The following SMOC1 variants were observed in gnomAD, a reference collection of about 807,000 sequenced individuals.
SMOC1 encodes SPARC related modular calcium binding 1.
SMOC1 carries 22 observed loss-of-function variants against 56.3 expected under a neutral mutation model. The ratio of observed to expected loss-of-function variants is 0.39; its 90% confidence interval spans 0.28 to 0.56. The LOEUF is 0.56. Ranked by LOEUF, SMOC1 falls within the 20% of genes least tolerant of loss-of-function variation. The probability of loss-of-function intolerance (pLI) is 0.61; values close to 1 mark genes in which losing one functional copy is unlikely to be tolerated. For synonymous variants in SMOC1, 193 were observed against 215.0 expected (o/e 0.90, Z 0.89); for missense variants, 509 against 565.4 (o/e 0.90, Z 1.01).
chr14:70,010,075 T>C (rs1885281504), intron 7 of SMOC1, among the ~76,000 whole-genome samples: 1 of 152,176 alleles, frequency 6.6e-6, no homozygotes, highest in Non-Finnish European at 1.5e-5. Flanking sequence ...GACATGCTCA[T>C]GTGTTACTGA....
intron 1 of SMOC1, among the ~76,000 whole-genome samples, chr14:69,896,300 G>A (rs534813062): frequency 1.3e-5 from 2 of 152,172 alleles, no homozygotes; most frequent in South Asian, 4.1e-4. Context: ...TAGTGGCTTG[G>A]GGTCAAAGAG....
chr14:69,975,963 C>T (rs2139503884), intron 4 of SMOC1, 149 bp downstream of exon 4: 1 of 679,788 alleles, frequency 1.5e-6, no homozygotes, highest in South Asian at 1.6e-5. Context: ...AACATGCTTG[C>T]TCGGAAGTCA....
chr14:69,946,222 G>A (rs1032424345), intron 1 of SMOC1, among the ~76,000 whole-genome samples: 8 of 152,128 alleles, frequency 5.3e-5, no homozygotes, highest in African/African-American at 1.9e-4. Flanking sequence ...CAGATGGAGG[G>A]GATGACTAGT....
rs1027520428 is a variant in SMOC1, at chr14:70,031,647, G to C, written c.*1389G>C. 6.6e-6 allele frequency: 1 copy of C among 152,292 alleles called. No individual in the cohort carries two copies. The highest frequency in any genetic ancestry group is 1.5e-5 in the Non-Finnish European group (1 of 68,108). 9.4% of individuals were successfully genotyped at this position (152,292 alleles called of 1,614,324 possible). On this transcript the variant is annotated 3_prime_UTR_variant, in exon 12 of 12. Coordinates refer to ENST00000361956, the MANE Select transcript of SMOC1 (RefSeq NM_001034852.3). ...GAAATCCCGGCCCAGCTTTCCACAG[G>C]CATCACAGGCATCTTCCGCGGATTC...
chr14:69,892,521 ATT>A (rs933414221), intron 1 of SMOC1, among the ~76,000 whole-genome samples: 1 of 151,812 alleles, frequency 6.6e-6, no homozygotes, highest in Non-Finnish European at 1.5e-5. Context: ...TAGTCATTAA[ATT>A]TTTTTTTGTT....
chr14:69,888,514 A>G (rs1883872340), intron 1 of SMOC1, among the ~76,000 whole-genome samples: 1 of 152,230 alleles, frequency 6.6e-6, no homozygotes, highest in Non-Finnish European at 1.5e-5. Context: ...TCCCACCACC[A>G]GGGAGCACTG....
chr14:69,921,264 G>T (rs1884834806), intron 1 of SMOC1, among the ~76,000 whole-genome samples: 1 of 152,206 alleles, frequency 6.6e-6, no homozygotes, highest in Admixed American at 6.5e-5. Context: ...TCATGGGCAA[G>T]ATCTTGCAGG....
chr14:70,022,688 C>T (rs903839358), intron 10 of SMOC1, among the ~76,000 whole-genome samples: 1 of 152,242 alleles, frequency 6.6e-6, no homozygotes, highest in African/African-American at 2.4e-5. Context: ...GGCTCTGTCT[C>T]ATAGAGACAG....
intron 7 of SMOC1, among the ~76,000 whole-genome samples, chr14:70,009,484 C>G (rs1885258159): frequency 6.6e-6 from 1 of 152,152 alleles, no homozygotes; most frequent in Non-Finnish European, 1.5e-5. Context: ...TGCTGTTGTT[C>G]AGTGCACAAC....
intron 3 of SMOC1, among the ~76,000 whole-genome samples, chr14:69,966,525 G>T (rs1271834553): frequency 3.3e-5 from 5 of 152,102 alleles, no homozygotes; most frequent in Non-Finnish European, 7.4e-5. Flanking sequence ...TGGAATTATG[G>T]ACCTTCTGGA....
chr14:69,936,829 A>T (rs1048821211), intron 1 of SMOC1, among the ~76,000 whole-genome samples: 2 of 152,228 alleles, frequency 1.3e-5, no homozygotes, highest in Admixed American at 1.3e-4. Flanking sequence ...CCATTCAGAG[A>T]CAGTCACTAT....
intron 1 of SMOC1, among the ~76,000 whole-genome samples, chr14:69,939,200 G>T (rs1882457516): frequency 6.6e-6 from 1 of 152,208 alleles, no homozygotes; most frequent in African/African-American, 2.4e-5. Flanking sequence ...AAGGAAAGAG[G>T]TTTAATAGAC....
intron 1 of SMOC1, among the ~76,000 whole-genome samples, chr14:69,950,936 G>A (rs1380375179): frequency 1.3e-5 from 2 of 152,138 alleles, no homozygotes; most frequent in African/African-American, 4.8e-5. Context: ...TGGGTTAACT[G>A]GGCTCAGCTG....
At chr14:69,947,036 A>G (rs1404983411) in intron 1 of SMOC1, among the ~76,000 whole-genome samples, 1 of 152,036 alleles carries the variant, frequency 6.6e-6, no homozygotes, top group Non-Finnish European at 1.5e-5. Context: ...AGCCTACAGA[A>G]CCATGAGCAA....
In SMOC1 at chr14:70,023,326, C is replaced by T. The variant is rs371234626; in HGVS notation, c.1170C>T (p.Tyr390=). 1.5e-5 allele frequency: 25 copies of T among 1,614,050 alleles called. No homozygotes were observed. The East Asian group carries it at 2.5e-4, about 16-fold the overall frequency. The change falls in exon 11 of 12, where the codon TAC becomes TAT. Residue 390 remains tyrosine, a synonymous_variant. Coordinates refer to ENST00000361956, the MANE Select transcript of SMOC1 (RefSeq NM_001034852.3). ...GGGAGATGAAGCCCTTCAAGCGCTA[C>T]GTGAAGAAGAAAGCCAAGCCCAAGA... ...NKREMKPFKR[Y]VKKKAKPKKC... is the part of the protein sequence containing the mutation.
intron 1 of SMOC1, among the ~76,000 whole-genome samples, chr14:69,937,677 G>A (rs994929553): frequency 6.6e-5 from 10 of 152,096 alleles, no homozygotes; most frequent in Non-Finnish European, 1.3e-4. Flanking sequence ...CAGCGCCACC[G>A]CCAGTCCCAC....
At chr14:69,947,087 G>GCCGTCCTTCCTTCCTT (rs1555360720) in intron 1 of SMOC1, among the ~76,000 whole-genome samples, 2 of 143,474 alleles carry the variant, frequency 1.4e-5, no homozygotes, top group Non-Finnish European at 1.5e-5. Context: ...TCTCAGGCCG[G>GCCGTCCTTCCTTCCTT]CCTTCCTTCC....
chr14:69,967,882 G>T (rs10142893), intron 3 of SMOC1, among the ~76,000 whole-genome samples: 10,736 of 152,198 alleles, frequency 0.071, 470 homozygotes, highest in Middle Eastern at 0.15. Context: ...AGGAGAAGAT[G>T]TGTGCGATAA....
intron 5 of SMOC1, among the ~76,000 whole-genome samples, chr14:69,980,719 C>A (rs545916072): frequency 1.3e-5 from 2 of 152,302 alleles, no homozygotes; most frequent in South Asian, 4.1e-4. Flanking sequence ...CTTGTCTGAG[C>A]TTGTGCCCGC....
Sources: gnomAD v4.1 joint callset for allele counts (sites outside exome capture counted in the v4.1 genomes callset) on GRCh38, gnomAD v4.1.1 for gene constraint, MANE v1.5 for transcripts, NCBI Gene and HGNC (gene_info 2026-07-23, HGNC 2026-07-21) for gene names.